Variants in SLC24A2 observed in about 807,000 individuals in gnomAD.
SLC24A2 encodes solute carrier family 24 member 2, also known as sodium/potassium/calcium exchanger 2.
SLC24A2 carries 36 observed loss-of-function variants against 62.0 expected under a neutral mutation model. That is an observed-to-expected ratio of 0.58 (90% CI 0.44 to 0.77). SLC24A2 has a LOEUF of 0.77. SLC24A2 is among the 30% of genes least tolerant of loss of function. SLC24A2 has a pLI of 0.00. For synonymous variants in SLC24A2, 358 were observed against 294.0 expected, an observed-to-expected ratio of 1.22 and a Z score of -2.23; for missense variants, 846 against 817.9, an observed-to-expected ratio of 1.03 and a Z score of -0.42.
the SLC24A2 span, among the ~76,000 whole-genome samples, chr9:20,156,359 G>A: frequency 4.6e-5 from 7 of 151,750 alleles, no homozygotes; most frequent in African/African-American, 9.7e-5. Flanking sequence ...TTGATTCTGG[G>A]TTTAACCTCC....
At chr9:20,023,084 T>G in the SLC24A2 span, among the ~76,000 whole-genome samples, 2 of 152,192 alleles carry the variant, frequency 1.3e-5, no homozygotes, top group Admixed American at 6.5e-5. Context: ...ATTTAGACAC[T>G]GAGCAATCTG....
chr9:19,899,290 T>C, the SLC24A2 span, among the ~76,000 whole-genome samples: 3 of 152,170 alleles, frequency 2.0e-5, no homozygotes, highest in African/African-American at 7.2e-5. Flanking sequence ...CTCTGCAGGC[T>C]GCCTTTTAGA....
At chr9:20,094,501 C>T in the SLC24A2 span, among the ~76,000 whole-genome samples, 3 of 152,112 alleles carry the variant, frequency 2.0e-5, no homozygotes, top group Admixed American at 6.6e-5. Context: ...AGCTTGTAAG[C>T]TTTTCAATAG....
the SLC24A2 span, among the ~76,000 whole-genome samples, chr9:19,829,134 C>T: frequency 1.3e-5 from 2 of 152,124 alleles, no homozygotes; most frequent in Non-Finnish European, 2.9e-5. Context: ...GAGACAATAC[C>T]TTCTTCATGT....
intron 6 of SLC24A2, 66 bp from the exon 7 acceptor site, chr9:19,573,535 G>A: frequency 1.3e-6 from 1 of 781,822 alleles, no homozygotes; most frequent in Non-Finnish European, 2.2e-6. Context: ...CACACAGAGA[G>A]AGAGAGAGAG....
chr9:19,522,063 C>T (rs1833232398), intron 9 of SLC24A2, among the ~76,000 whole-genome samples: 1 of 152,162 alleles, frequency 6.6e-6, no homozygotes, highest in Non-Finnish European at 1.5e-5. Context: ...GGCTAGAGTG[C>T]AGTGGCACAG....
intron 5 of SLC24A2, among the ~76,000 whole-genome samples, chr9:19,584,467 G>C (rs1836305054): frequency 6.6e-6 from 1 of 152,060 alleles, no homozygotes; most frequent in Non-Finnish European, 1.5e-5. Flanking sequence ...CTTCTTACGA[G>C]GGTATGGAGG....
chr9:19,848,308 T>G, the SLC24A2 span, among the ~76,000 whole-genome samples: 1 of 152,214 alleles, frequency 6.6e-6, no homozygotes, highest in Non-Finnish European at 1.5e-5. Context: ...CTGAAAATAT[T>G]ACGCTAAACA....
At chr9:19,518,482 C>A (rs1447864721) in intron 10 of SLC24A2, among the ~76,000 whole-genome samples, 1 of 148,096 alleles carries the variant, frequency 6.8e-6, no homozygotes, top group Non-Finnish European at 1.5e-5. Context: ...AGTGCAGTGG[C>A]GTGATCTTGG....
intron 3 of SLC24A2, among the ~76,000 whole-genome samples, chr9:19,621,614 T>C (rs1817910768): frequency 6.6e-6 from 1 of 152,206 alleles, no homozygotes; most frequent in East Asian, 1.9e-4. Context: ...TTCTGAAGGT[T>C]GTTTCTTTAC....
rs151181588 is a variant in SLC24A2 at position 19,726,711 on chromosome 9, T to C, written c.930+59226A>G. ...ACTTAAAATCATTACAGGATGGCAT[T>C]ATTCACATATGGTTAACATAGCTAA... On this transcript the variant is annotated intron_variant, in intron 2 of 10. Transcript: ENST00000341998. Among the ~76,000 whole-genome samples the C allele has an allele frequency of 1.0e-3, 152 of 152,364 alleles. 1 individual carries two copies. In the East Asian group the frequency reaches 0.026, roughly 26 times the overall value.
chr9:20,283,859 T>C, the SLC24A2 span, among the ~76,000 whole-genome samples: 1 of 152,070 alleles, frequency 6.6e-6, no homozygotes, highest in South Asian at 2.1e-4. Flanking sequence ...CCTCTGGAAT[T>C]GAGCAGGCAG....
At chr9:19,646,143 C>G (rs1428588147) in intron 2 of SLC24A2, among the ~76,000 whole-genome samples, 1 of 152,216 alleles carries the variant, frequency 6.6e-6, no homozygotes, top group Non-Finnish European at 1.5e-5. Flanking sequence ...CACAGCTAAT[C>G]AGAATGCAAG....
chr9:19,780,555 C>T (rs1003245586), intron 2 of SLC24A2, among the ~76,000 whole-genome samples: 5 of 151,468 alleles, frequency 3.3e-5, no homozygotes, highest in Middle Eastern at 3.4e-3. Context: ...TGTGAGCCAC[C>T]GCGCCCGGCC....
intron 3 of SLC24A2, among the ~76,000 whole-genome samples, chr9:19,621,269 T>C (rs1171382429): frequency 1.3e-5 from 2 of 152,104 alleles, no homozygotes; most frequent in Non-Finnish European, 2.9e-5. Flanking sequence ...AAAGAATCAG[T>C]GGGGATTACT....
the SLC24A2 span, among the ~76,000 whole-genome samples, chr9:20,008,291 G>A: frequency 6.6e-6 from 1 of 151,988 alleles, no homozygotes; most frequent in African/African-American, 2.4e-5. Flanking sequence ...GGAGCTGGGA[G>A]GGGAACAAGG....
chr9:19,690,922 AG>A (rs1368285400), intron 2 of SLC24A2, among the ~76,000 whole-genome samples: 3 of 63,172 alleles, frequency 4.7e-5, no homozygotes, highest in Non-Finnish European at 1.5e-4. Context: ...TGCGTGTGAG[AG>A]AGAGAGAGAG....
the SLC24A2 span, among the ~76,000 whole-genome samples, chr9:20,124,951 T>C: frequency 2.0e-5 from 3 of 152,206 alleles, no homozygotes; most frequent in African/African-American, 4.8e-5. Context: ...CACCTTGTTA[T>C]GGTAGAAAGA....
the SLC24A2 span, among the ~76,000 whole-genome samples, chr9:19,883,818 G>A: frequency 5.3e-5 from 8 of 151,974 alleles, no homozygotes; most frequent in East Asian, 1.5e-3. Context: ...GCCCACCTTG[G>A]CCTCCCAACT....
Sources: gnomAD v4.1 joint callset for allele counts (sites outside exome capture counted in the v4.1 genomes callset) on GRCh38, gnomAD v4.1.1 for gene constraint, MANE v1.5 for transcripts, NCBI Gene and HGNC (gene_info 2026-07-23, HGNC 2026-07-21) for gene names.